The following KCNK2 variants were observed in gnomAD, a reference collection of about 807,000 sequenced individuals.
KCNK2 encodes the protein potassium channel subfamily K member 2.
A neutral mutation model predicts 40.5 loss-of-function variants in KCNK2; 21 were observed. That is an observed-to-expected ratio of 0.52 (90% CI 0.37 to 0.75). The LOEUF is 0.75. Ranked by LOEUF, KCNK2 falls within the 30% of genes least tolerant of loss-of-function variation. The pLI is 0.00. For missense variants in KCNK2, 399 were observed against 531.6 expected (o/e 0.75, Z 2.45); for synonymous variants, 191 against 202.2 (o/e 0.94, Z 0.47).
chr1:215,120,939 T>C (rs150762444), intron 2 of KCNK2, among the ~76,000 whole-genome samples: 1 of 152,346 alleles, frequency 6.6e-6, no homozygotes, highest in East Asian at 1.9e-4. Flanking sequence ...TGTCATATTT[T>C]ATTTAATTAA....
At chr1:215,010,782 G>A (rs898686687) in intron 1 of KCNK2, among the ~76,000 whole-genome samples, 7 of 148,962 alleles carry the variant, frequency 4.7e-5, no homozygotes, top group African/African-American at 1.7e-4. Context: ...TTTAAGGTTT[G>A]TTTTATTTTT....
At chr1:215,139,812 T>C (rs116198811) in intron 3 of KCNK2, among the ~76,000 whole-genome samples, 46 of 152,276 alleles carry the variant, frequency 3.0e-4, no homozygotes, top group African/African-American at 1.1e-3. Flanking sequence ...TTTTTAAAAA[T>C]ATTATGAGGT....
At chr1:215,011,247 A>T (rs1357404673) in intron 1 of KCNK2, among the ~76,000 whole-genome samples, 1 of 152,046 alleles carries the variant, frequency 6.6e-6, no homozygotes, top group Non-Finnish European at 1.5e-5. Flanking sequence ...TACCTTTTCC[A>T]GAATTTTAGT....
At chr1:215,089,011 A>G (rs1285677478) in intron 2 of KCNK2, among the ~76,000 whole-genome samples, 1 of 152,234 alleles carries the variant, frequency 6.6e-6, no homozygotes, top group African/African-American at 2.4e-5. Flanking sequence ...TTGATAAAAG[A>G]AATCATTACA....
chr1:215,070,472 G>T (rs1187759412), intron 1 of KCNK2, among the ~76,000 whole-genome samples: 1 of 146,348 alleles, frequency 6.8e-6, no homozygotes, highest in Admixed American at 6.8e-5. Flanking sequence ...TTGACTTATA[G>T]TTCCACATGG....
At chr1:215,096,128 A>G (rs1169165821) in intron 2 of KCNK2, among the ~76,000 whole-genome samples, 1 of 151,996 alleles carries the variant, frequency 6.6e-6, no homozygotes, top group Non-Finnish European at 1.5e-5. Flanking sequence ...AATTCAAATA[A>G]TGCAGGAAGG....
intron 3 of KCNK2, among the ~76,000 whole-genome samples, chr1:215,153,281 T>C (rs967388515): frequency 6.6e-6 from 1 of 152,156 alleles, no homozygotes; most frequent in African/African-American, 2.4e-5. Flanking sequence ...ATTATGGGTG[T>C]CTGAAATTTC....
intron 1 of KCNK2, among the ~76,000 whole-genome samples, chr1:215,042,097 ACCTCCCACGGGTTC>A (rs1170111929): frequency 6.6e-6 from 1 of 151,898 alleles, no homozygotes; most frequent in Non-Finnish European, 1.5e-5. Context: ...TGATTCAATT[ACCTCCCACGGGTTC>A]CCTCCCATGA....
intron 5 of KCNK2, among the ~76,000 whole-genome samples, chr1:215,176,294 T>C (rs1663967765): frequency 6.6e-6 from 1 of 152,182 alleles, no homozygotes; most frequent in Non-Finnish European, 1.5e-5. Context: ...GTGTGTCTTC[T>C]TTTGATAAGT....
At chr1:215,072,263 A>G (rs1010675827) in intron 1 of KCNK2, among the ~76,000 whole-genome samples, 3 of 152,130 alleles carry the variant, frequency 2.0e-5, no homozygotes, top group African/African-American at 7.2e-5. Flanking sequence ...GGTAATTTGT[A>G]TAGGAAAGAG....
intron 1 of KCNK2, among the ~76,000 whole-genome samples, chr1:215,029,272 C>T (rs1432925820): frequency 2.0e-5 from 3 of 151,892 alleles, no homozygotes; most frequent in Non-Finnish European, 2.9e-5. Flanking sequence ...CTGTATTTCA[C>T]CTAATTCATC....
chr1:215,106,330 T>C (rs1660438738), intron 2 of KCNK2, among the ~76,000 whole-genome samples: 1 of 152,130 alleles, frequency 6.6e-6, no homozygotes, highest in Non-Finnish European at 1.5e-5. Flanking sequence ...TTTACATTTT[T>C]CTGATGATTA....
At chr1:215,087,921 T>C (rs995784941) in intron 2 of KCNK2, among the ~76,000 whole-genome samples, 3 of 152,220 alleles carry the variant, frequency 2.0e-5, no homozygotes, top group Non-Finnish European at 4.4e-5. Flanking sequence ...TCAAAACTAG[T>C]GTTCTCTGAC....
chr1:215,066,867 G>A (rs182676047), intron 1 of KCNK2, among the ~76,000 whole-genome samples: 33 of 152,200 alleles, frequency 2.2e-4, no homozygotes, highest in Non-Finnish European at 3.8e-4. Context: ...CTCAACATGC[G>A]TCAATCTTGA....
At chr1:215,171,952 A>G in intron 4 of KCNK2, 45 bp from the exon 5 acceptor site, 1 of 1,306,884 alleles carries the variant, frequency 7.7e-7, no homozygotes, top group Non-Finnish European at 1.1e-6. Context: ...CCCCCCATTT[A>G]TATACATATA....
chr1:215,208,807 C>T (rs1209554788), intron 6 of KCNK2, among the ~76,000 whole-genome samples: 2 of 151,346 alleles, frequency 1.3e-5, no homozygotes, highest in African/African-American at 4.9e-5. Flanking sequence ...TGTCAGTGGC[C>T]CCTTCAATTT....
At chr1:215,212,743 T>C (rs1350583740) in intron 6 of KCNK2, among the ~76,000 whole-genome samples, 1 of 152,226 alleles carries the variant, frequency 6.6e-6, no homozygotes, top group Admixed American at 6.5e-5. Context: ...TGATTGCTAA[T>C]TCCAAACAAC....
intron 1 of KCNK2, among the ~76,000 whole-genome samples, chr1:215,035,486 C>T (rs1207649704): frequency 1.3e-5 from 2 of 152,058 alleles, no homozygotes; most frequent in Admixed American, 6.6e-5. Flanking sequence ...TTGCCCTTTT[C>T]ATAATGTCAT....
upstream of KCNK2, among the ~76,000 whole-genome samples, chr1:215,077,958 T>G (rs1659005163): frequency 6.6e-6 from 1 of 152,226 alleles, no homozygotes; most frequent in African/African-American, 2.4e-5. Context: ...ATTTTTCATC[T>G]TCTCATACCT....
Sources: allele counts gnomAD v4.1 joint callset (sites outside exome capture counted in the v4.1 genomes callset), GRCh38; gene constraint gnomAD v4.1.1; transcripts MANE v1.5; gene names NCBI Gene and HGNC (gene_info 2026-07-23, HGNC 2026-07-21).